Variants in KDELR1 observed in about 807,000 individuals in gnomAD.
KDELR1 encodes KDEL endoplasmic reticulum protein retention receptor 1.
KDELR1 carries 16 observed loss-of-function variants against 25.5 expected under a neutral mutation model. The ratio of observed to expected loss-of-function variants is 0.63; its 90% CI spans 0.43 to 0.95. The LOEUF (loss-of-function observed/expected upper bound fraction) is 0.95, where lower values mean the gene tolerates loss of function less well. Ranked by LOEUF, KDELR1 falls within the 40% of genes least tolerant of loss-of-function variation. KDELR1 has a pLI of 0.00. For missense variants in KDELR1, 159 were observed against 265.2 expected, an observed-to-expected ratio of 0.60 and a Z score of 2.78; for synonymous variants, 121 against 115.0, an observed-to-expected ratio of 1.05 and a Z score of -0.33.
chr19:48,392,843 C>A (rs1335284655), upstream of KDELR1, among the ~76,000 whole-genome samples: 1 of 152,148 alleles, frequency 6.6e-6, no homozygotes. Flanking sequence ...CAGAGCCCCA[C>A]GGGTGGCTTT....
chr19:48,389,422 C>T, intron 3 of KDELR1, 131 bp downstream of exon 3: 1 of 1,023,482 alleles, frequency 9.8e-7, no homozygotes, highest in African/African-American at 1.6e-5. Context: ...AGCCCATGCA[C>T]TGAACTTATG....
At chr19:48,395,946 G>A (rs976365541), upstream of KDELR1, among the ~76,000 whole-genome samples, 6 of 151,474 alleles carry the variant, frequency 4.0e-5, no homozygotes, top group African/African-American at 9.7e-5. Context: ...TGGGTCCTGG[G>A]AAAGAACAGG....
At chr19:48,385,259 C>G (rs1455297202) in intron 3 of KDELR1, among the ~76,000 whole-genome samples, 3 of 152,220 alleles carry the variant, frequency 2.0e-5, no homozygotes, top group African/African-American at 7.2e-5. Context: ...TACACTGTCA[C>G]ACATCTGCCT....
rs1481021134 is a variant in KDELR1 at position 48,384,321 on chromosome 19, A to G, written c.513T>C (p.His171=). 2 of 1,614,132 alleles carry G rather than the reference A, an allele frequency of 1.2e-6. No homozygotes were observed. Among genetic ancestry groups the G allele is most frequent in the Admixed American group, 3.3e-5 (2 of 60,000 alleles). The change falls in exon 4 of 5, where the codon CAT becomes CAC. Residue 171 remains histidine, a synonymous_variant. Coordinates refer to ENST00000330720, the MANE Select transcript of KDELR1 (RefSeq NM_006801.3). The surrounding 1 kb of genome is among the most constrained non-coding windows in gnomAD (Gnocchi z 4.6). ...CGATGAGGTCGAAGAAGCCCTCGAA[A>G]TGGTAGCGCCAGATCCAGTTGAAGA... ...LYLFNWIWRY[H]FEGFFDLIAI...
chr19:48,394,225 G>A (rs1185329059), upstream of KDELR1, among the ~76,000 whole-genome samples: 1 of 152,008 alleles, frequency 6.6e-6, no homozygotes, highest in African/African-American at 2.4e-5. This position sits in a 1 kb window ranked among gnomAD's most constrained non-coding sequence, Gnocchi z 5.1. Flanking sequence ...AAGCTCTGGG[G>A]GTGTTGAGGG....
chr19:48,387,345 T>C (rs1970504995), intron 3 of KDELR1, among the ~76,000 whole-genome samples: 2 of 151,976 alleles, frequency 1.3e-5, no homozygotes, highest in South Asian at 4.1e-4. Context: ...TGGGCCAAAG[T>C]CACCCTCTGT....
At chr19:48,394,708 G>T (rs1049548861), upstream of KDELR1, among the ~76,000 whole-genome samples, 2 of 152,316 alleles carry the variant, frequency 1.3e-5, no homozygotes, top group East Asian at 1.9e-4. This position sits in a 1 kb window ranked among gnomAD's most constrained non-coding sequence, Gnocchi z 5.1. Flanking sequence ...CGCAACCTTG[G>T]GGGAGAGACA....
At chr19:48,389,839 C>G (rs1426411922) in intron 2 of KDELR1, 128 bp from the exon 3 acceptor site, 2 of 962,524 alleles carry the variant, frequency 2.1e-6, no homozygotes, top group East Asian at 2.6e-5. Flanking sequence ...TCCCTCAGAC[C>G]CAGGAGTCCA....
intron 1 of KDELR1, 51 bp from the exon 2 acceptor site, chr19:48,390,575 G>A (rs1569053496): frequency 1.6e-6 from 2 of 1,262,050 alleles, no homozygotes; most frequent in East Asian, 2.4e-5. Context: ...GAGAGAGAGA[G>A]AGAGACAGAC....
chr19:48,388,860 G>GAAGA (rs1198796993), intron 3 of KDELR1, among the ~76,000 whole-genome samples: 6 of 142,650 alleles, frequency 4.2e-5, no homozygotes, highest in Non-Finnish European at 3.0e-5. Flanking sequence ...AGAAGGAAAG[G>GAAGA]AAGAAAGAAA....
upstream of KDELR1, among the ~76,000 whole-genome samples, chr19:48,395,488 C>T (rs980424788): frequency 3.3e-5 from 5 of 151,812 alleles, no homozygotes; most frequent in African/African-American, 1.2e-4. Flanking sequence ...GGGGAGAGAC[C>T]GATGTTGTGT....
upstream of KDELR1, among the ~76,000 whole-genome samples, chr19:48,393,625 T>C (rs1192493075): frequency 1.3e-5 from 2 of 151,936 alleles, no homozygotes; most frequent in African/African-American, 4.8e-5. The surrounding 1 kb of genome is among the most constrained non-coding windows in gnomAD (Gnocchi z 5.6). Flanking sequence ...GGGGGGGCTG[T>C]GGGTCTCCCG....
At chr19:48,393,893 C>G (rs919914530), upstream of KDELR1, among the ~76,000 whole-genome samples, 3 of 151,864 alleles carry the variant, frequency 2.0e-5, no homozygotes, top group Admixed American at 6.6e-5. This position sits in a 1 kb window ranked among gnomAD's most constrained non-coding sequence, Gnocchi z 5.6. Context: ...GTCCGGGTGT[C>G]TGGGGCTGGC....
At chr19:48,388,594 G>A (rs1355173165) in intron 3 of KDELR1, among the ~76,000 whole-genome samples, 1 of 152,028 alleles carries the variant, frequency 6.6e-6, no homozygotes, top group Non-Finnish European at 1.5e-5. Flanking sequence ...GCTGAGGCAG[G>A]AGAATCGCTT....
upstream of KDELR1, among the ~76,000 whole-genome samples, chr19:48,395,639 CCTAGGAA>C (rs1484712624): frequency 6.6e-6 from 1 of 151,872 alleles, no homozygotes; most frequent in African/African-American, 2.4e-5. Context: ...ACAGGGACAC[CCTAGGAA>C]TTTCTGGCAC....
At chr19:48,387,089 C>T (rs1970503446) in intron 3 of KDELR1, among the ~76,000 whole-genome samples, 2 of 149,318 alleles carry the variant, frequency 1.3e-5, no homozygotes. Context: ...AAAAAAGACG[C>T]CTGGGTTCTG....
At chr19:48,386,837 C>T (rs1333187907) in intron 3 of KDELR1, among the ~76,000 whole-genome samples, 2 of 151,936 alleles carry the variant, frequency 1.3e-5, no homozygotes, top group Non-Finnish European at 2.9e-5. Context: ...AAGGCTGAGG[C>T]AGGTGGATCA....
At chr19:48,392,612 CTTCT>C (rs1218934715), upstream of KDELR1, among the ~76,000 whole-genome samples, 1 of 152,194 alleles carries the variant, frequency 6.6e-6, no homozygotes, top group Admixed American at 6.5e-5. Context: ...CCCTGATTCT[CTTCT>C]TTTTCAGGAA....
chr19:48,383,015 A>G lies in KDELR1; in HGVS notation c.*278T>C. The G allele has an allele frequency of 2.0e-6, 1 of 511,262 alleles. No homozygotes were observed. 31.7% of individuals were successfully genotyped at this position (511,262 alleles called of 1,614,324 possible). A position where few individuals can be genotyped will look rare whatever the true frequency, so the allele number is the denominator to read the frequency against. ...AAAACACTTTATAAAAATTGGGGCCACAGAGTAGAAGAAAAACGAGTCATC... is the reference window on the plus strand; with the variant it reads ...AAAACACTTTATAAAAATTGGGGCCGCAGAGTAGAAGAAAAACGAGTCATC... On this transcript the variant is annotated 3_prime_UTR_variant, in exon 5 of 5. Transcript: ENST00000330720.
Sources: gnomAD v4.1 joint callset for allele counts (sites outside exome capture counted in the v4.1 genomes callset) on GRCh38, gnomAD v4.1.1 for gene constraint, Gnocchi (gnomAD v3.1) non-coding constraint, MANE v1.5 for transcripts, NCBI Gene and HGNC (gene_info 2026-07-23, HGNC 2026-07-21) for gene names.